MS4A15: variants seen among roughly 807,000 people sequenced by gnomAD.
The protein encoded by MS4A15 is membrane spanning 4-domains A15.
Under a neutral mutation model 20.6 loss-of-function variants are expected in MS4A15, and 22 were observed. The observed-to-expected ratio is 1.07, with a 90% confidence interval of 0.76 to 1.52. MS4A15 has a LOEUF of 1.52. MS4A15 is among the 40% of genes most tolerant of loss of function. The pLI, the probability that MS4A15 is intolerant of heterozygous loss-of-function variation, is 0.00. For synonymous variants in MS4A15, 129 were observed against 129.3 expected, an observed-to-expected ratio of 1.00 and a Z score of 0.02; for missense variants, 312 against 323.0, an observed-to-expected ratio of 0.97 and a Z score of 0.26.
intron 3 of MS4A15, among the ~76,000 whole-genome samples, chr11:60,770,117 T>C (rs1298836473): frequency 6.6e-6 from 1 of 152,174 alleles, no homozygotes; most frequent in East Asian, 1.9e-4. Context: ...GGTGCCATGA[T>C]GCAGGTCCCT....
chr11:60,775,686 A>G lies in MS4A15; in HGVS notation c.694A>G (p.Asn232Asp). 1 of 1,613,742 alleles carries G rather than the reference A, an allele frequency of 6.2e-7. No individual in the cohort carries two copies. The highest frequency in any genetic ancestry group is 8.5e-7 in the Non-Finnish European group (1 of 1,179,828). The change falls in exon 7 of 7, where the codon AAT becomes GAT. Residue 232 changes from asparagine (N) to aspartate (D), a missense_variant. Physicochemically the swap from Asn to Asp is conservative, Grantham distance 23 (BLOSUM62 1). Transcript: ENST00000405633. ...PAASAPPAYD[N>D]VAYAQGVV ...AGCCTCTGCGCCCCCTGCCTATGAC[A>G]ATGTGGCATATGCCCAAGGAGTCGT...
chr11:60,773,452 A>C lies in MS4A15; in HGVS notation c.466A>C (p.Ile156Leu). ...SVMAAFAGTA[I>L]LLMDFGVTNR... The stretch of plus-strand genomic sequence containing the variant: ...CATGGCGGCCTTTGCTGGGACAGCC[A>C]TTCTGCTCATGGATTTTGGTGTTAC... The change falls in exon 5 of 7, where the codon ATT becomes CTT. Residue 156 changes from isoleucine to leucine, a missense_variant. Coordinates refer to ENST00000405633, the MANE Select transcript of MS4A15 (RefSeq NM_001098835.2). 6.2e-7 allele frequency: 1 copy of C among 1,613,980 alleles called. No homozygotes were observed. Among genetic ancestry groups the C allele is most frequent in the Non-Finnish European group, 8.5e-7 (1 of 1,180,014 alleles).
intron 1 of MS4A15, among the ~76,000 whole-genome samples, chr11:60,759,804 C>T (rs748928917): frequency 7.9e-5 from 12 of 152,170 alleles, no homozygotes; most frequent in Non-Finnish European, 1.2e-4. Context: ...AGTACCTTCC[C>T]TTGAACTTAT....
At chr11:60,761,977 G>T (rs547970197) in intron 1 of MS4A15, among the ~76,000 whole-genome samples, 3 of 152,216 alleles carry the variant, frequency 2.0e-5, no homozygotes, top group African/African-American at 7.2e-5. Flanking sequence ...CAGAATTTTG[G>T]CTGCCTGTAA....
chr11:60,758,065 A>G (rs1356482270), intron 1 of MS4A15, among the ~76,000 whole-genome samples: 1 of 152,236 alleles, frequency 6.6e-6, no homozygotes. Context: ...TTTTGGTTTC[A>G]GCTGCAGAAT....
intron 3 of MS4A15, among the ~76,000 whole-genome samples, chr11:60,768,425 G>A (rs748091664): frequency 3.5e-4 from 53 of 152,188 alleles, no homozygotes; most frequent in Non-Finnish European, 1.0e-4. Context: ...ACCCGTGCCG[G>A]AAAACAGGCA....
chr11:60,771,704 G>C (rs1001517625), intron 4 of MS4A15: 5 of 1,308,476 alleles, frequency 3.8e-6, no homozygotes, highest in Non-Finnish European at 5.0e-6. Flanking sequence ...GCACGGAGGA[G>C]TGTGGGCAGG....
At chr11:60,759,357 A>G (rs1377257385) in intron 1 of MS4A15, among the ~76,000 whole-genome samples, 4 of 152,236 alleles carry the variant, frequency 2.6e-5, no homozygotes, top group African/African-American at 7.2e-5. Flanking sequence ...GGTAAAAGTC[A>G]TCGCCATTCT....
chr11:60,773,024 G>A lies in MS4A15; in HGVS notation c.406-368G>A, dbSNP rs541912235. ...TCCCCCAACCCATGCCCCTGAGCAGGCCTCAGCTGCAGCTTCTCCTGCGAG... is the reference window on the plus strand; with the variant it reads ...TCCCCCAACCCATGCCCCTGAGCAGACCTCAGCTGCAGCTTCTCCTGCGAG... On this transcript the variant is annotated intron_variant, in intron 4 of 6. Coordinates refer to ENST00000405633, the MANE Select transcript of MS4A15 (RefSeq NM_001098835.2). Among the ~76,000 whole-genome samples, 5 of 152,342 alleles carry A rather than the reference G, an allele frequency of 3.3e-5. No individual in the cohort carries two copies. The South Asian group carries it at 6.2e-4, about 19-fold the overall frequency.
intron 3 of MS4A15, among the ~76,000 whole-genome samples, chr11:60,768,229 G>A (rs751887574): frequency 1.1e-4 from 17 of 152,114 alleles, no homozygotes; most frequent in Non-Finnish European, 1.8e-4. Context: ...CATCAGGGCT[G>A]GGTCCAAACC....
chr11:60,775,832 C>A lies in MS4A15; in HGVS notation c.*117C>A. On this transcript the variant is annotated 3_prime_UTR_variant, in exon 7 of 7. Coordinates refer to ENST00000405633, the MANE Select transcript of MS4A15 (RefSeq NM_001098835.2). ...CCATCCCAGCTGCCCTCCCTCACCA[C>A]ATCTACACATACTCCGGCATCTGAG... 1 of 681,956 alleles carries A rather than the reference C, an allele frequency of 1.5e-6. No individual in the cohort carries two copies. Among genetic ancestry groups the A allele is most frequent in the Non-Finnish European group, 2.5e-6 (1 of 403,200 alleles). The allele number at this position is 681,956 out of a possible 1,614,324, so 42.2% of individuals were successfully genotyped here. A position where few individuals can be genotyped will look rare whatever the true frequency, so the allele number is the denominator to read the frequency against.
chr11:60,764,410 G>T (rs897230186), intron 2 of MS4A15, among the ~76,000 whole-genome samples: 9 of 152,170 alleles, frequency 5.9e-5, no homozygotes, highest in Admixed American at 5.9e-4. Context: ...GGAATGTAAT[G>T]AGCAAAGGAA....
chr11:60,774,493 C>T (rs1854133539), intron 6 of MS4A15, among the ~76,000 whole-genome samples: 1 of 152,174 alleles, frequency 6.6e-6, no homozygotes, highest in Non-Finnish European at 1.5e-5. Flanking sequence ...CTGGGTGCAC[C>T]AGCACCCACA....
chr11:60,763,459 G>C (rs1224693918), intron 1 of MS4A15, among the ~76,000 whole-genome samples: 1 of 152,180 alleles, frequency 6.6e-6, no homozygotes, highest in Non-Finnish European at 1.5e-5. Flanking sequence ...ATATAGCTCA[G>C]AGATTAAGAG....
chr11:60,766,297 C>T (rs373229619), intron 2 of MS4A15, among the ~76,000 whole-genome samples: 1 of 152,216 alleles, frequency 6.6e-6, no homozygotes, highest in Non-Finnish European at 1.5e-5. Flanking sequence ...AGGAGAATCA[C>T]CTAAACCTGG....
intron 3 of MS4A15, 147 bp from the exon 4 acceptor site, chr11:60,771,144 C>T (rs879199378): frequency 7.5e-6 from 6 of 800,916 alleles, no homozygotes; most frequent in East Asian, 2.7e-5. Context: ...ACACCCCTGC[C>T]GAGAGACCCC....
intron 1 of MS4A15, among the ~76,000 whole-genome samples, chr11:60,761,584 C>A (rs1853740638): frequency 1.3e-5 from 2 of 152,142 alleles, no homozygotes; most frequent in Non-Finnish European, 2.9e-5. Context: ...ATCTGGGAGT[C>A]CCCAGTAAGT....
Position 60,763,765 on chromosome 11 carries a change from T to A in MS4A15, c.32T>A (p.Phe11Tyr). 1 of 1,612,220 alleles carries A rather than the reference T, an allele frequency of 6.2e-7. No individual in the cohort carries two copies. Among genetic ancestry groups the A allele is most frequent in the Non-Finnish European group, 8.5e-7 (1 of 1,179,894 alleles). Residue 11 changes from phenylalanine to tyrosine, a missense_variant, in exon 2 of 7, where the codon TTT (phenylalanine) becomes TAT (tyrosine). Transcript: ENST00000405633. MSAAPASNGV[F>Y]VVIPPNNASG... ...GCAGCTCCCGCCAGCAATGGAGTGT[T>A]TGTTGTCATCCCGCCAAACAACGCC...
intron 2 of MS4A15, among the ~76,000 whole-genome samples, chr11:60,766,797 G>A (rs950081081): frequency 2.0e-5 from 3 of 152,240 alleles, no homozygotes; most frequent in Non-Finnish European, 4.4e-5. Context: ...GACCATGCTG[G>A]TTTGGGTAGT....
Sources: allele counts gnomAD v4.1 joint callset (sites outside exome capture counted in the v4.1 genomes callset), GRCh38; gene constraint gnomAD v4.1.1; transcripts MANE v1.5; gene names NCBI Gene and HGNC (gene_info 2026-07-23, HGNC 2026-07-21).